GFI1B: variants seen among roughly 807,000 people sequenced by gnomAD.
The protein encoded by GFI1B is zinc finger protein Gfi-1b.
In GFI1B, 20 loss-of-function variants were observed where a neutral mutation model predicts 35.3. The ratio of observed to expected loss-of-function variants is 0.57; its 90% CI spans 0.40 to 0.82. The LOEUF (loss-of-function observed/expected upper bound fraction) is 0.82. Among genes scored for constraint, GFI1B ranks in the 40% least tolerant of loss-of-function variants. The pLI, the probability that GFI1B is intolerant of heterozygous loss-of-function variation, is 0.00. For synonymous variants in GFI1B, 178 were observed against 177.6 expected (o/e 1.00, Z -0.02); for missense variants, 430 against 446.3 (o/e 0.96, Z 0.33).
rs553967841 is a variant in GFI1B at position 132,961,061 on chromosome 9, G to C, written c.-700-11664G>C. On this transcript the variant is annotated intron_variant, in intron 1 of 10. Transcript: ENST00000339463. Reference sequence around the variant, plus strand: ...CAGTGACCATTTGGAAAAAGATAAAGTTAGATCCCTCTCCACACCCTACAC... The same window carrying C: ...CAGTGACCATTTGGAAAAAGATAAACTTAGATCCCTCTCCACACCCTACAC... Among the ~76,000 whole-genome samples, 26 of 152,140 alleles carry C rather than the reference G, an allele frequency of 1.7e-4. No homozygotes were observed. The South Asian group carries it at 3.3e-3, about 19-fold the overall frequency.
intron 4 of GFI1B, 55 bp downstream of exon 4, chr9:132,988,523 C>T: frequency 6.6e-7 from 1 of 1,525,700 alleles, no homozygotes; most frequent in Non-Finnish European, 9.0e-7. Context: ...CACTCCCTCT[C>T]AACTCACTGG....
intron 1 of GFI1B, among the ~76,000 whole-genome samples, chr9:132,954,843 C>T (rs971040207): frequency 7.9e-5 from 12 of 151,746 alleles, no homozygotes; most frequent in East Asian, 2.0e-4. Flanking sequence ...CTCAGCCTCC[C>T]GAGTAGCTGG....
At chr9:132,992,487 C>T (rs1364008846), downstream of GFI1B, among the ~76,000 whole-genome samples, 3 of 152,148 alleles carry the variant, frequency 2.0e-5, no homozygotes, top group East Asian at 5.8e-4. Context: ...GCTCAGCTTC[C>T]TCCTCTGTAA....
chr9:132,989,212 C>T lies in GFI1B; in HGVS notation c.648+14C>T. 2 of 1,607,716 alleles carry T rather than the reference C, an allele frequency of 1.2e-6. No individual in the cohort carries two copies. The highest frequency in any genetic ancestry group is 1.7e-6 in the Non-Finnish European group (2 of 1,176,582). ...GTCCACTCCCAGGTGGGCACCTGGCCCAGCGCAGGACTCCCAGCCCCACTC... is the reference window on the plus strand; with the variant it reads ...GTCCACTCCCAGGTGGGCACCTGGCTCAGCGCAGGACTCCCAGCCCCACTC... On this transcript the variant is annotated intron_variant, in intron 5 of 6. Coordinates refer to ENST00000372122, the MANE Select transcript of GFI1B (RefSeq NM_001377304.1). The surrounding 1 kb of genome is among the most constrained non-coding windows in gnomAD (Gnocchi z 6.2).
intron 1 of GFI1B, among the ~76,000 whole-genome samples, chr9:132,969,632 G>A (rs551357339): frequency 8.5e-5 from 13 of 152,294 alleles, no homozygotes; most frequent in African/African-American, 3.1e-4. Context: ...CTTTCAGTGC[G>A]TTTGGGTCTA....
intron 1 of GFI1B, among the ~76,000 whole-genome samples, chr9:132,950,235 C>T (rs1848180181): frequency 1.3e-5 from 2 of 152,194 alleles, no homozygotes; most frequent in South Asian, 4.1e-4. Context: ...GCTTTCCTTT[C>T]TTCACCCACA....
chr9:132,969,513 C>G (rs1317557982), intron 1 of GFI1B, among the ~76,000 whole-genome samples: 1 of 152,242 alleles, frequency 6.6e-6, no homozygotes, highest in Non-Finnish European at 1.5e-5. Flanking sequence ...GGACCAACTA[C>G]ATTCCATGTA....
rs1460028574 is a variant in GFI1B at position 132,989,072 on chromosome 9, C to T, written c.522C>T (p.Thr174=). 6.2e-7 allele frequency: 1 copy of T among 1,613,888 alleles called. No homozygotes were observed. Among genetic ancestry groups the T allele is most frequent in the Non-Finnish European group, 8.5e-7 (1 of 1,179,898 alleles). The change falls in exon 5 of 7, where the codon ACC becomes ACT. Residue 174 remains threonine (T), a synonymous_variant. Coordinates refer to ENST00000372122, the MANE Select transcript of GFI1B (RefSeq NM_001377304.1). The surrounding 1 kb of genome is among the most constrained non-coding windows in gnomAD (Gnocchi z 6.2). ...HCVKCNKVFS[T]PHGLEVHVRR... ...GCCCCTGCTCCCAGGTCTTCTCCAC[C>T]CCTCACGGGCTCGAAGTGCATGTGC...
rs1564181173 is a variant in GFI1B at position 132,990,817 on chromosome 9, C to T, written c.815-55C>T. 12 of 1,549,312 alleles carry T rather than the reference C, an allele frequency of 7.7e-6. No homozygotes were observed. In the East Asian group the frequency reaches 2.5e-4, roughly 32 times the overall value. On this transcript the variant is annotated intron_variant, in intron 6 of 6. Transcript: ENST00000372122. Reference sequence around the variant, plus strand: ...GGGGGCAGGGCAGGGGAGCAGCAGGCCTGGTGAGGAGGCCCTGACCCCGCC... The same window carrying T: ...GGGGGCAGGGCAGGGGAGCAGCAGGTCTGGTGAGGAGGCCCTGACCCCGCC...
At chr9:132,958,280 C>T (rs1848312879) in intron 1 of GFI1B, among the ~76,000 whole-genome samples, 1 of 152,058 alleles carries the variant, frequency 6.6e-6, no homozygotes, top group Non-Finnish European at 1.5e-5. Flanking sequence ...ATGTGTTAGG[C>T]CGTTCTTGCG....
At chr9:132,972,166 A>G (rs2132610845) in intron 1 of GFI1B, among the ~76,000 whole-genome samples, 1 of 152,266 alleles carries the variant, frequency 6.6e-6, no homozygotes, top group Admixed American at 6.5e-5. Context: ...TCATGCCTGT[A>G]ATCCCAGCAC....
At position 132,989,265 on chromosome 9, in the gene GFI1B, G is replaced by T; in HGVS notation, c.648+67G>T. On this transcript the variant is annotated intron_variant, in intron 5 of 6. Transcript: ENST00000372122. This position sits in a 1 kb window ranked among gnomAD's most constrained non-coding sequence, Gnocchi z 6.2. ...TCTCTGTGCTTCCCCAGGGAGCCTGGGGGCTGTGGCTGGGTCCCTCCCCCT... is the reference window on the plus strand; with the variant it reads ...TCTCTGTGCTTCCCCAGGGAGCCTGTGGGCTGTGGCTGGGTCCCTCCCCCT... 1 of 1,521,058 alleles carries T rather than the reference G, an allele frequency of 6.6e-7. No homozygotes were observed. 94.2% of individuals were successfully genotyped at this position (1,521,058 alleles called of 1,614,324 possible). A position where few individuals can be genotyped will look rare whatever the true frequency, so the allele number is the denominator to read the frequency against.
At chr9:132,965,045 T>C (rs563301865) in intron 1 of GFI1B, among the ~76,000 whole-genome samples, 87 of 152,326 alleles carry the variant, frequency 5.7e-4, no homozygotes, top group African/African-American at 2.0e-3. Context: ...ATATTCCCAT[T>C]GCAATGCCTA....
At chr9:132,961,443 A>G (rs1041392000) in intron 1 of GFI1B, among the ~76,000 whole-genome samples, 3 of 151,982 alleles carry the variant, frequency 2.0e-5, no homozygotes, top group African/African-American at 4.8e-5. Flanking sequence ...AACAACAGAA[A>G]AAAGGCATAA....
At chr9:132,970,119 C>T (rs1848511138) in intron 1 of GFI1B, among the ~76,000 whole-genome samples, 1 of 152,110 alleles carries the variant, frequency 6.6e-6, no homozygotes, top group Non-Finnish European at 1.5e-5. Context: ...GTTTTTTATT[C>T]CCAAGTCTTC....
chr9:132,987,527 A>T, intron 3 of GFI1B, 108 bp downstream of exon 3: 1 of 1,298,450 alleles, frequency 7.7e-7, no homozygotes, highest in Non-Finnish European at 1.1e-6. Context: ...GGAAGGACCC[A>T]CGAAGTCACT....
At chr9:132,959,815 A>G (rs1325058236) in intron 1 of GFI1B, among the ~76,000 whole-genome samples, 3 of 152,164 alleles carry the variant, frequency 2.0e-5, no homozygotes, top group African/African-American at 4.8e-5. Context: ...CTCTGCCTCC[A>G]TCTTCATGCA....
chr9:132,988,562 T>C, intron 4 of GFI1B, 94 bp downstream of exon 4: 3 of 1,166,914 alleles, frequency 2.6e-6, no homozygotes, highest in South Asian at 2.6e-5. Context: ...GTGCTGTGAA[T>C]GTTGGGGCTC....
chr9:132,951,859 C>T (rs757704425), intron 1 of GFI1B: 4 of 152,222 alleles, frequency 2.6e-5, no homozygotes, highest in African/African-American at 9.7e-5. Flanking sequence ...CCTGGAACAC[C>T]TAGGTTCAAG....
Sources: allele counts gnomAD v4.1 joint callset (sites outside exome capture counted in the v4.1 genomes callset), GRCh38; gene constraint gnomAD v4.1.1; non-coding constraint Gnocchi (gnomAD v3.1); transcripts MANE v1.5; gene names NCBI Gene and HGNC (gene_info 2026-07-23, HGNC 2026-07-21).